Variants in BICD1 observed in about 807,000 individuals in gnomAD.
BICD1 encodes the protein protein bicaudal D homolog 1.
A neutral mutation model predicts 92.5 loss-of-function variants in BICD1; 35 were observed. That is an observed-to-expected ratio of 0.38 (90% CI 0.29 to 0.50). The LOEUF (loss-of-function observed/expected upper bound fraction) is 0.50. Ranked by LOEUF, BICD1 falls within the 20% of genes least tolerant of loss-of-function variation. The pLI, the probability that BICD1 is intolerant of heterozygous loss-of-function variation, is 0.93. For missense variants in BICD1, 950 were observed against 1,189.8 expected (o/e 0.80, Z 2.97); for synonymous variants, 429 against 465.1 (o/e 0.92, Z 1.00).
intron 2 of BICD1, among the ~76,000 whole-genome samples, chr12:32,268,051 G>C (rs551337493): frequency 6.6e-6 from 1 of 152,302 alleles, no homozygotes; most frequent in East Asian, 1.9e-4. Context: ...TCCCACCTCA[G>C]TGTCCCAAAG....
chr12:32,332,840 G>T lies in BICD1; in HGVS notation c.2101-1676G>T, dbSNP rs551785818. 21 of 983,400 alleles carry T rather than the reference G, an allele frequency of 2.1e-5. No individual in the cohort carries two copies. In the South Asian group the frequency reaches 2.4e-4, roughly 11 times the overall value. 60.9% of individuals were successfully genotyped at this position (983,400 alleles called of 1,614,324 possible). A position where few individuals can be genotyped will look rare whatever the true frequency, so the allele number is the denominator to read the frequency against. On this transcript the variant is annotated intron_variant, in intron 5 of 9. Transcript: ENST00000652176. ...ATATATTCAGGGAATGCTCACAAAG[G>T]CCTATGTGGCTGGAAATAAGACTTT...
chr12:32,163,676 G>A (rs1000475907), intron 1 of BICD1, among the ~76,000 whole-genome samples: 15 of 152,210 alleles, frequency 9.9e-5, no homozygotes, highest in South Asian at 2.1e-4. Context: ...GCTGTTTCCC[G>A]TTTTCCAGTA....
At chr12:32,305,347 C>G (rs1239585) in intron 3 of BICD1, among the ~76,000 whole-genome samples, 38,503 of 151,596 alleles carry the variant, frequency 0.25, 5,951 homozygotes, top group Non-Finnish European at 0.35. Flanking sequence ...AACAGTGCCC[C>G]CTTTTGACCA....
intron 2 of BICD1, among the ~76,000 whole-genome samples, chr12:32,289,626 G>T (rs543869544): frequency 6.6e-6 from 1 of 152,102 alleles, no homozygotes; most frequent in East Asian, 1.9e-4. Flanking sequence ...CTTGTGATCC[G>T]CCCACCTTGG....
intron 8 of BICD1, among the ~76,000 whole-genome samples, chr12:32,348,721 A>C (rs374771448): frequency 3.7e-4 from 43 of 116,460 alleles, no homozygotes; most frequent in Middle Eastern, 4.5e-3. Context: ...AGCTCACACA[A>C]AAATATATAT....
chr12:32,204,805 T>C (rs1243800776), intron 1 of BICD1, among the ~76,000 whole-genome samples: 1 of 152,172 alleles, frequency 6.6e-6, no homozygotes, highest in African/African-American at 2.4e-5. Flanking sequence ...ATCTTAAATG[T>C]TCAAGGGGAA....
Position 32,337,413 on chromosome 12 carries a change from CGG to C in BICD1, c.2253-85_2253-84del. The stretch of plus-strand genomic sequence containing the variant: ...ACCAGTCTTCTAAATTTCTAAATTT[CGG>C]TCAAATTTATTACTTTTCAGCTTAA... On this transcript the variant is annotated intron_variant, in intron 6 of 9. Coordinates refer to ENST00000652176, the MANE Select transcript of BICD1 (RefSeq NM_001714.4). This position sits in a 1 kb window ranked among gnomAD's most constrained non-coding sequence, Gnocchi z 4.7. 7.8e-7 allele frequency: 1 copy of C among 1,282,432 alleles called. No individual in the cohort carries two copies. Among genetic ancestry groups the C allele is most frequent in the Non-Finnish European group, 1.1e-6 (1 of 921,238 alleles). 79.4% of individuals were successfully genotyped at this position (1,282,432 alleles called of 1,614,324 possible).
intron 9 of BICD1, among the ~76,000 whole-genome samples, chr12:32,370,734 A>T (rs1939707556): frequency 6.6e-6 from 1 of 152,278 alleles, no homozygotes; most frequent in East Asian, 1.9e-4. Context: ...GAGGGAATTC[A>T]GCGAGGCACG....
chr12:32,191,125 A>T (rs1944551942), intron 1 of BICD1, among the ~76,000 whole-genome samples: 1 of 152,196 alleles, frequency 6.6e-6, no homozygotes, highest in Non-Finnish European at 1.5e-5. Context: ...AAAGGCCTAC[A>T]TTCGGAAGAA....
intron 1 of BICD1, among the ~76,000 whole-genome samples, chr12:32,141,931 A>G (rs1942933737): frequency 6.6e-6 from 1 of 152,190 alleles, no homozygotes; most frequent in South Asian, 2.1e-4. Context: ...TAGGTGACGA[A>G]CAAATGTTCA....
intron 1 of BICD1, among the ~76,000 whole-genome samples, chr12:32,204,057 G>A (rs1272416712): frequency 1.3e-5 from 2 of 152,050 alleles, no homozygotes; most frequent in African/African-American, 4.8e-5. Flanking sequence ...ACACAGAAGT[G>A]GAAATGTGAG....
intron 2 of BICD1, among the ~76,000 whole-genome samples, chr12:32,281,716 A>G (rs935449912): frequency 6.6e-6 from 1 of 151,448 alleles, no homozygotes; most frequent in African/African-American, 2.4e-5. Context: ...TTTTCAATCT[A>G]TGAACTCAAA....
chr12:32,194,834 A>G (rs1304522658), intron 1 of BICD1, among the ~76,000 whole-genome samples: 1 of 152,208 alleles, frequency 6.6e-6, no homozygotes, highest in East Asian at 1.9e-4. Flanking sequence ...GTGAGCCGAG[A>G]TCATGCCATT....
At chr12:32,329,571 A>G (rs1937741556) in intron 5 of BICD1, among the ~76,000 whole-genome samples, 1 of 152,212 alleles carries the variant, frequency 6.6e-6, no homozygotes, top group Non-Finnish European at 1.5e-5. Flanking sequence ...GTTTGGGGCC[A>G]CTTTAGCAAG....
chr12:32,250,805 A>G (rs545520906), intron 2 of BICD1, among the ~76,000 whole-genome samples: 3 of 152,158 alleles, frequency 2.0e-5, no homozygotes, highest in Admixed American at 2.0e-4. Flanking sequence ...ACATGGATAA[A>G]TCCTGTCTCT....
At position 32,268,465 on chromosome 12, in the gene BICD1, C is replaced by T. The variant is rs569405172; in HGVS notation, c.427-25529C>T. Among the ~76,000 whole-genome samples the T allele has an allele frequency of 2.6e-5, 4 of 152,112 alleles. No homozygotes were observed. In the South Asian group the frequency reaches 8.3e-4, roughly 32 times the overall value. ...AAGCAACTTCATTCAAAAGTCAGTG[C>T]CACAGCAAGCAAGAAATTAGAAGCT... On this transcript the variant is annotated intron_variant, in intron 2 of 9. Coordinates refer to ENST00000652176, the MANE Select transcript of BICD1 (RefSeq NM_001714.4).
chr12:32,342,767 C>A (rs531687891), intron 8 of BICD1, among the ~76,000 whole-genome samples: 1 of 152,086 alleles, frequency 6.6e-6, no homozygotes, highest in Admixed American at 6.5e-5. Flanking sequence ...TTATTCTGTA[C>A]AAGAGTTACT....
At chr12:32,362,344 G>A (rs566665745) in intron 8 of BICD1, among the ~76,000 whole-genome samples, 4 of 152,210 alleles carry the variant, frequency 2.6e-5, no homozygotes, top group East Asian at 3.9e-4. Context: ...TGGGCAACAA[G>A]AGCGAAACTC....
At chr12:32,322,402 G>T (rs1457779432) in intron 4 of BICD1, among the ~76,000 whole-genome samples, 1 of 152,116 alleles carries the variant, frequency 6.6e-6, no homozygotes, top group Non-Finnish European at 1.5e-5. Flanking sequence ...GGGTGCGGGT[G>T]GTCTGGGGCC....
Sources: allele counts gnomAD v4.1 joint callset (sites outside exome capture counted in the v4.1 genomes callset), GRCh38; gene constraint gnomAD v4.1.1; non-coding constraint Gnocchi (gnomAD v3.1); transcripts MANE v1.5; gene names NCBI Gene and HGNC (gene_info 2026-07-23, HGNC 2026-07-21).